The following CYP4F3 variants were observed in gnomAD, a reference collection of about 807,000 sequenced individuals.
CYP4F3 encodes the protein cytochrome P450 family 4 subfamily F member 3, also known as cytochrome P450 4F3.
CYP4F3 carries 50 observed loss-of-function variants against 54.8 expected under a neutral mutation model. The ratio of observed to expected loss-of-function variants is 0.91; its 90% confidence interval spans 0.73 to 1.16. The LOEUF is 1.16. CYP4F3 is among the 50% of genes most tolerant of loss of function. CYP4F3 has a pLI of 0.00. For synonymous variants in CYP4F3, 244 were observed against 262.6 expected (o/e 0.93, Z 0.69); for missense variants, 715 against 676.2 (o/e 1.06, Z -0.64).
At chr19:15,647,522 G>T (rs536731708) in intron 5 of CYP4F3, among the ~76,000 whole-genome samples, 198 bp downstream of exon 5, 1 of 152,214 alleles carries the variant, frequency 6.6e-6, no homozygotes, top group Non-Finnish European at 1.5e-5. Context: ...CTGGCGCATA[G>T]TAGGTGCCCA....
intron 2 of CYP4F3, among the ~76,000 whole-genome samples, 166 bp from the exon 3 acceptor site, chr19:15,645,553 C>A (rs771455642): frequency 2.6e-5 from 4 of 152,158 alleles, no homozygotes; most frequent in Non-Finnish European, 4.4e-5. Flanking sequence ...ACTGGAGAGT[C>A]CTGCATGGAG....
intron 5 of CYP4F3, among the ~76,000 whole-genome samples, chr19:15,647,742 C>G (rs1972673731): frequency 6.6e-6 from 1 of 152,178 alleles, no homozygotes; most frequent in East Asian, 1.9e-4. Flanking sequence ...GGTACATGAG[C>G]AGCCTGGGGT....
chr19:15,653,078 G>T, intron 9 of CYP4F3, 126 bp downstream of exon 9: 1 of 1,391,330 alleles, frequency 7.2e-7, no homozygotes. Flanking sequence ...TAGGAGCAGA[G>T]GACCACAGGC....
At chr19:15,652,727 TC>T in intron 8 of CYP4F3, 92 bp downstream of exon 8, 1 of 1,606,270 alleles carries the variant, frequency 6.2e-7, no homozygotes, top group Non-Finnish European at 8.5e-7. Flanking sequence ...CCATCCCCCT[TC>T]CCCCATCCTC....
rs1555742388 is a variant in CYP4F3 at position 15,650,660 on chromosome 19, T to TTTTCTTTTTC, written c.918+484_918+485insTTCTTTCTTT. On this transcript the variant is annotated intron_variant, in intron 7 of 12. Coordinates refer to ENST00000221307, the MANE Select transcript of CYP4F3 (RefSeq NM_000896.3). ...TGCTCTCCCTCCCTCCCTGCCTTCT[T>TTTTCTTTTTC]TTTCTTTCTTTCTTTCTTTCTTTCT... Among the ~76,000 whole-genome samples, 41 of 35,640 alleles carry TTTTCTTTTTC rather than the reference T, an allele frequency of 1.2e-3. 1 individual carries two copies. Among genetic ancestry groups the TTTTCTTTTTC allele is most frequent in the Admixed American group, 2.3e-3 (7 of 3,084 alleles). 23.4% of individuals were successfully genotyped at this position (35,640 alleles called of 152,430 possible).
rs1252887070 is a variant in CYP4F3 at position 15,661,516 on chromosome 19, A to T, written c.*2131A>T. On this transcript the variant is annotated 3_prime_UTR_variant, in exon 13 of 13. Coordinates refer to ENST00000221307, the MANE Select transcript of CYP4F3 (RefSeq NM_000896.3). ...TTCCAGTGACTAAGGGTGTTGAACCACTCGTGCCTTCCTGTGCCTATTTGA... is the reference window on the plus strand; with the variant it reads ...TTCCAGTGACTAAGGGTGTTGAACCTCTCGTGCCTTCCTGTGCCTATTTGA... 6.6e-6 allele frequency: 1 copy of T among 151,998 alleles called. No homozygotes were observed. Among genetic ancestry groups the T allele is most frequent in the African/African-American group, 2.4e-5 (1 of 41,354 alleles). 9.4% of individuals were successfully genotyped at this position (151,998 alleles called of 1,614,324 possible). A position where few individuals can be genotyped will look rare whatever the true frequency, so the allele number is the denominator to read the frequency against.
Position 15,652,813 on chromosome 19 carries a change from T to G in CYP4F3, c.986-10T>G. 1.2e-6 allele frequency: 2 copies of G among 1,608,766 alleles called. No homozygotes were observed. The highest frequency in any genetic ancestry group is 1.7e-6 in the Non-Finnish European group (2 of 1,177,292). The stretch of plus-strand genomic sequence containing the variant: ...GCCCAGAGACCCAAGCCTGCCTTGC[T>G]GCCCCCCAGGCCATGACACCACAGC... On this transcript the variant is annotated splice_polypyrimidine_tract_variant and intron_variant, in intron 8 of 12. Coordinates refer to ENST00000221307, the MANE Select transcript of CYP4F3 (RefSeq NM_000896.3).
rs529821666 is a variant in CYP4F3 at position 15,662,381 on chromosome 19, G to A, written c.*2996G>A. The A allele has an allele frequency of 6.6e-6, 1 of 151,988 alleles. No homozygotes were observed. Among genetic ancestry groups the A allele is most frequent in the East Asian group, 1.9e-4 (1 of 5,188 alleles). The allele number at this position is 151,988 out of a possible 1,614,324, so 9.4% of individuals were successfully genotyped here. The stretch of plus-strand genomic sequence containing the variant: ...AAAACTCAATTGTTGAAATTTGGGT[G>A]GATATATTTCTGGATTTTCTATTCT... On this transcript the variant is annotated 3_prime_UTR_variant, in exon 13 of 13. Transcript: ENST00000221307.
chr19:15,641,037 C>T (rs957506709), intron 1 of CYP4F3, 92 bp downstream of exon 1: 14 of 245,992 alleles, frequency 5.7e-5, no homozygotes, highest in African/African-American at 3.2e-4. Flanking sequence ...TAGGGGAGCC[C>T]CAGCCTTCCC....
chr19:15,641,964 T>C (rs1290620), intron 2 of CYP4F3, among the ~76,000 whole-genome samples: 101,867 of 151,918 alleles, frequency 0.67, 34,797 homozygotes, highest in East Asian at 0.84. Context: ...TACCCACTGT[T>C]CAGGGTCCTC....
chr19:15,653,837 T>A (rs1972942056), intron 9 of CYP4F3, among the ~76,000 whole-genome samples: 1 of 149,994 alleles, frequency 6.7e-6, no homozygotes, highest in Admixed American at 6.6e-5. Context: ...AGAGACTGAC[T>A]TGTGGTGAGA....
chr19:15,662,304 A>G lies in CYP4F3; in HGVS notation c.*2919A>G, dbSNP rs922648094. On this transcript the variant is annotated 3_prime_UTR_variant, in exon 13 of 13. Transcript: ENST00000221307. ...AAAAAAAAAAAAAAGGAAAGAAAGA[A>G]AGAAAAGAAAAGAAAATCCTTTTTG... is the stretch of plus-strand genomic sequence containing the variant. 6.6e-6 allele frequency: 1 copy of G among 150,480 alleles called. No individual in the cohort carries two copies. Among genetic ancestry groups the G allele is most frequent in the Non-Finnish European group, 1.5e-5 (1 of 67,806 alleles). The allele number at this position is 150,480 out of a possible 1,614,324, so 9.3% of individuals were successfully genotyped here. A position where few individuals can be genotyped will look rare whatever the true frequency, so the allele number is the denominator to read the frequency against.
intron 7 of CYP4F3, among the ~76,000 whole-genome samples, chr19:15,651,992 G>A (rs1466306548): frequency 6.6e-6 from 1 of 152,062 alleles, no homozygotes; most frequent in Non-Finnish European, 1.5e-5. Context: ...GTTTTCCCCT[G>A]TACGTGCAGC....
At position 15,649,193 on chromosome 19, in the gene CYP4F3, G is replaced by T; in HGVS notation, c.559G>T (p.Ala187Ser). ...GCAGCTCCTGGCCTCAGAGGGTAGT[G>T]CCCGTCTGGACATGTTTGAGCACAT... ...KWQLLASEGS[A>S]RLDMFEHISL... The change falls in exon 6 of 13, where the codon GCC (alanine) becomes TCC (serine). Residue 187 changes from alanine (A) to serine (S), a missense_variant. Coordinates refer to ENST00000221307, the MANE Select transcript of CYP4F3 (RefSeq NM_000896.3). 6.2e-7 allele frequency: 1 copy of T among 1,613,492 alleles called. No individual in the cohort carries two copies. Among genetic ancestry groups the T allele is most frequent in the Non-Finnish European group, 8.5e-7 (1 of 1,179,568 alleles).
At chr19:15,647,394 G>A (rs1972663211) in intron 5 of CYP4F3, 70 bp downstream of exon 5, 2 of 1,597,770 alleles carry the variant, frequency 1.3e-6, no homozygotes, top group Non-Finnish European at 1.7e-6. Context: ...GATCTAGTCT[G>A]GAATTTTGGC....
At chr19:15,648,493 C>T (rs778210736) in intron 5 of CYP4F3, among the ~76,000 whole-genome samples, 3 of 152,012 alleles carry the variant, frequency 2.0e-5, no homozygotes, top group Non-Finnish European at 4.4e-5. Context: ...AGAACATCAG[C>T]GTGTTGCATT....
At chr19:15,647,812 C>A (rs564671049) in intron 5 of CYP4F3, among the ~76,000 whole-genome samples, 2 of 152,272 alleles carry the variant, frequency 1.3e-5, no homozygotes, top group South Asian at 4.1e-4. Flanking sequence ...TTTTGGCTGG[C>A]TTCAGACCGA....
chr19:15,658,132 C>T (rs919184769), intron 9 of CYP4F3, 132 bp from the exon 10 acceptor site: 8 of 1,542,380 alleles, frequency 5.2e-6, no homozygotes, highest in African/African-American at 1.4e-5. Flanking sequence ...TTTATTCCTG[C>T]GACTTTGTAA....
intron 2 of CYP4F3, among the ~76,000 whole-genome samples, chr19:15,642,484 G>T (rs1347153591): frequency 6.6e-6 from 1 of 152,204 alleles, no homozygotes; most frequent in African/African-American, 2.4e-5. Context: ...ACCAGCCAGG[G>T]CATGAAGGGA....
Sources: gnomAD v4.1 joint callset for allele counts (sites outside exome capture counted in the v4.1 genomes callset) on GRCh38, gnomAD v4.1.1 for gene constraint, MANE v1.5 for transcripts, NCBI Gene and HGNC (gene_info 2026-07-23, HGNC 2026-07-21) for gene names.